PRRC1: variants seen among roughly 807,000 people sequenced by gnomAD.
PRRC1 encodes the protein proline rich coiled-coil 1, also known as protein PRRC1.
In PRRC1, 39 loss-of-function variants were observed where a neutral mutation model predicts 40.7. That is an observed-to-expected ratio of 0.96 (90% CI 0.74 to 1.25). PRRC1 has a LOEUF of 1.25. Among genes scored for constraint, PRRC1 ranks in the 50% most tolerant of loss-of-function variants. The pLI is 0.00. For missense variants in PRRC1, 573 were observed against 548.3 expected, an observed-to-expected ratio of 1.05 and a Z score of -0.45; for synonymous variants, 175 against 193.3, an observed-to-expected ratio of 0.91 and a Z score of 0.79.
rs1736620687 is a variant in PRRC1, at chr5:127,554,773, T to TTA, written c.*2862_*2863dup. The stretch of plus-strand genomic sequence containing the variant: ...GTATCTAAGTGCAGATGAAAGTGTG[T>TTA]TATATACATCCATTCAAAATTATGC... On this transcript the variant is annotated 3_prime_UTR_variant, in exon 9 of 9. Coordinates refer to ENST00000296666, the MANE Select transcript of PRRC1 (RefSeq NM_130809.5). 6.6e-6 allele frequency: 1 copy of TTA among 152,638 alleles called. No individual in the cohort carries two copies. Among genetic ancestry groups the TTA allele is most frequent in the African/African-American group, 2.4e-5 (1 of 41,472 alleles). 9.5% of individuals were successfully genotyped at this position (152,638 alleles called of 1,614,324 possible).
chr5:127,531,323 A>AT (rs1210271786), intron 5 of PRRC1, among the ~76,000 whole-genome samples: 3 of 152,082 alleles, frequency 2.0e-5, no homozygotes, highest in South Asian at 2.1e-4. Flanking sequence ...CTCATGCTCA[A>AT]TTTTTTTACA....
intron 7 of PRRC1, among the ~76,000 whole-genome samples, chr5:127,544,915 C>CT: frequency 6.6e-6 from 1 of 152,332 alleles, no homozygotes; most frequent in South Asian, 2.1e-4. Context: ...CTGGCACTCC[C>CT]TAGTGAGATG....
chr5:127,547,854 C>G lies in PRRC1; in HGVS notation c.1061C>G (p.Pro354Arg). Residue 354 changes from proline to arginine, a missense_variant, in exon 8 of 9, where the codon CCT (proline) becomes CGT (arginine). Coordinates refer to ENST00000296666, the MANE Select transcript of PRRC1 (RefSeq NM_130809.5). ...FDIGCLVVED[P>R]VHGIHLETFT... is the part of the protein sequence containing the mutation. ...ATTGGTTGTTTGGTGGTTGAAGATC[C>G]TGTCCATGGCATTCATCTAGAAACA... 1 of 1,613,298 alleles carries G rather than the reference C, an allele frequency of 6.2e-7. No homozygotes were observed. The highest frequency in any genetic ancestry group is 1.1e-5 in the South Asian group (1 of 90,928).
chr5:127,538,486 A>G (rs1580942198), intron 6 of PRRC1, among the ~76,000 whole-genome samples: 2 of 152,084 alleles, frequency 1.3e-5, no homozygotes, highest in African/African-American at 2.4e-5. Context: ...CATGTCTTCA[A>G]TGGTAATTAT....
intron 7 of PRRC1, among the ~76,000 whole-genome samples, chr5:127,540,223 G>A (rs531590318): frequency 1.3e-5 from 2 of 152,066 alleles, no homozygotes; most frequent in Non-Finnish European, 2.9e-5. Flanking sequence ...AGTGATTGTT[G>A]TGTCATTTTT....
rs1768424362 is a variant in PRRC1, at chr5:127,552,681, T to G, written c.*765T>G. ...TTTTAAATCAGAAGTATTCAAATTA[T>G]TTTTGTATAATACTGTTCAGTACTT... On this transcript the variant is annotated 3_prime_UTR_variant, in exon 9 of 9. Coordinates refer to ENST00000296666, the MANE Select transcript of PRRC1 (RefSeq NM_130809.5). The G allele has an allele frequency of 2.0e-6, 2 of 982,168 alleles. No homozygotes were observed. Among genetic ancestry groups the G allele is most frequent in the South Asian group, 9.4e-5 (2 of 21,206 alleles). 60.8% of individuals were successfully genotyped at this position (982,168 alleles called of 1,614,324 possible). A position where few individuals can be genotyped will look rare whatever the true frequency, so the allele number is the denominator to read the frequency against.
chr5:127,543,386 A>G (rs1228665282), intron 7 of PRRC1, among the ~76,000 whole-genome samples: 5 of 151,560 alleles, frequency 3.3e-5, no homozygotes, highest in African/African-American at 7.3e-5. Context: ...TCTTTGTGGC[A>G]TTCTCTGTAT....
intron 5 of PRRC1, 72 bp downstream of exon 5, chr5:127,530,468 A>T: frequency 1.1e-6 from 1 of 886,388 alleles, no homozygotes; most frequent in Admixed American, 2.3e-5. Context: ...CACTAATTGT[A>T]ATTCTCTGTT....
intron 2 of PRRC1, 143 bp downstream of exon 2, chr5:127,523,725 T>C (rs1242602653): frequency 6.5e-6 from 3 of 461,226 alleles, no homozygotes; most frequent in African/African-American, 4.0e-5. Context: ...CCTTTTTAAT[T>C]TAAAGAATAG....
At chr5:127,550,046 A>G (rs1036688149) in intron 8 of PRRC1, 1 of 151,750 alleles carries the variant, frequency 6.6e-6, no homozygotes, top group Non-Finnish European at 1.5e-5. Context: ...CAGCACATCT[A>G]GTATGATCCC....
chr5:127,552,686 G>C lies in PRRC1; in HGVS notation c.*770G>C. On this transcript the variant is annotated 3_prime_UTR_variant, in exon 9 of 9. Coordinates refer to ENST00000296666, the MANE Select transcript of PRRC1 (RefSeq NM_130809.5). ...AATCAGAAGTATTCAAATTATTTTT[G>C]TATAATACTGTTCAGTACTTCCAAG... 1 of 982,380 alleles carries C rather than the reference G, an allele frequency of 1.0e-6. No individual in the cohort carries two copies. 60.9% of individuals were successfully genotyped at this position (982,380 alleles called of 1,614,324 possible). A position where few individuals can be genotyped will look rare whatever the true frequency, so the allele number is the denominator to read the frequency against.
Position 127,552,417 on chromosome 5 carries a change from C to G in PRRC1, c.*501C>G, listed in dbSNP as rs1768418862. On this transcript the variant is annotated 3_prime_UTR_variant, in exon 9 of 9. Transcript: ENST00000296666. ...CTGCTCAACAGTCACTATAAGACAC[C>G]TACTTGTCGGGAGATGTTCCACATT... 1 of 931,014 alleles carries G rather than the reference C, an allele frequency of 1.1e-6. No individual in the cohort carries two copies. The highest frequency in any genetic ancestry group is 4.8e-5 in the South Asian group (1 of 20,978). The allele number at this position is 931,014 out of a possible 1,614,324, so 57.7% of individuals were successfully genotyped here. A position where few individuals can be genotyped will look rare whatever the true frequency, so the allele number is the denominator to read the frequency against.
chr5:127,549,525 A>G (rs1768316861), intron 8 of PRRC1: 1 of 152,232 alleles, frequency 6.6e-6, no homozygotes, highest in South Asian at 2.1e-4. Context: ...GCTAGAAATA[A>G]TCATACTAAT....
chr5:127,543,409 A>G (rs1035587071), intron 7 of PRRC1, among the ~76,000 whole-genome samples: 107 of 151,950 alleles, frequency 7.0e-4, no homozygotes, highest in African/African-American at 2.6e-3. Flanking sequence ...CCTGAATCTG[A>G]ATGTTGGCCT....
chr5:127,544,589 C>T (rs944759800), intron 7 of PRRC1, among the ~76,000 whole-genome samples: 1 of 152,208 alleles, frequency 6.6e-6, no homozygotes, highest in African/African-American at 2.4e-5. Context: ...CAATGGCGGG[C>T]GCCCCTCCCG....
In PRRC1 at chr5:127,552,158, A is replaced by T. The variant is rs117615821; in HGVS notation, c.*242A>T. ...TAGTACTCAAAAAAGAAAATATACA[A>T]ATCTATTTACAGCACAATTTAATAT... On this transcript the variant is annotated 3_prime_UTR_variant, in exon 9 of 9. Coordinates refer to ENST00000296666, the MANE Select transcript of PRRC1 (RefSeq NM_130809.5). The T allele has an allele frequency of 8.5e-4, 1,101 of 1,294,032 alleles. 24 individuals are homozygous for T. In the East Asian group the frequency reaches 0.032, roughly 37 times the overall value. The allele number at this position is 1,294,032 out of a possible 1,614,324, so 80.2% of individuals were successfully genotyped here. A position where few individuals can be genotyped will look rare whatever the true frequency, so the allele number is the denominator to read the frequency against.
Position 127,542,383 on chromosome 5 carries a change from A to C in PRRC1, c.1025+3240A>C, listed in dbSNP as rs1011955245. Among the ~76,000 whole-genome samples, 1,021 of 152,128 alleles carry C rather than the reference A, an allele frequency of 6.7e-3. 5 individuals are homozygous for C. Among genetic ancestry groups the C allele is most frequent in the African/African-American group, 0.024 (984 of 41,448 alleles). ...GGGGTGGAGAGTTCTGTAGATGTCTATTAGGTCCGCTTGGTGCAGAGCTGA... is the reference window on the plus strand; with the variant it reads ...GGGGTGGAGAGTTCTGTAGATGTCTCTTAGGTCCGCTTGGTGCAGAGCTGA... On this transcript the variant is annotated intron_variant, in intron 7 of 8. Transcript: ENST00000296666.
At chr5:127,544,108 G>C (rs1768138387) in intron 7 of PRRC1, among the ~76,000 whole-genome samples, 1 of 152,202 alleles carries the variant, frequency 6.6e-6, no homozygotes, top group African/African-American at 2.4e-5. Flanking sequence ...ACCCTCATCT[G>C]CAGGTCTGTT....
At chr5:127,548,101 C>G in intron 8 of PRRC1, 180 bp downstream of exon 8, 1 of 646,804 alleles carries the variant, frequency 1.5e-6, no homozygotes, top group East Asian at 2.7e-5. Flanking sequence ...GTTTTAGTAC[C>G]TTCCTCCTTT....
Sources: gnomAD v4.1 joint callset for allele counts (sites outside exome capture counted in the v4.1 genomes callset) on GRCh38, gnomAD v4.1.1 for gene constraint, MANE v1.5 for transcripts, NCBI Gene and HGNC (gene_info 2026-07-23, HGNC 2026-07-21) for gene names.